LIPM: variants seen among roughly 807,000 people sequenced by gnomAD.
The protein encoded by LIPM is lipase family member M, also known as lipase member M.
Under a neutral mutation model 42.4 loss-of-function variants are expected in LIPM, and 42 were observed. The observed-to-expected ratio is 0.99, with a 90% CI of 0.77 to 1.28. The LOEUF is 1.28. Among genes scored for constraint, LIPM ranks in the 50% most tolerant of loss-of-function variants. The pLI, the probability that LIPM is intolerant of heterozygous loss-of-function variation, is 0.00. For missense variants in LIPM, 524 were observed against 520.1 expected, an observed-to-expected ratio of 1.01 and a Z score of -0.07; for synonymous variants, 177 against 173.3, an observed-to-expected ratio of 1.02 and a Z score of -0.17.
At chr10:88,819,409 C>A (rs763268837) in intron 8 of LIPM, among the ~76,000 whole-genome samples, 6 of 152,278 alleles carry the variant, frequency 3.9e-5, no homozygotes, top group African/African-American at 1.4e-4. Flanking sequence ...AATTTTTCAA[C>A]CTTCCTTATC....
intron 7 of LIPM, among the ~76,000 whole-genome samples, chr10:88,817,605 A>G (rs1843732868): frequency 6.6e-6 from 1 of 152,204 alleles, no homozygotes; most frequent in Non-Finnish European, 1.5e-5. Context: ...TTGCTAATGC[A>G]ATGATCAAGA....
intron 2 of LIPM, among the ~76,000 whole-genome samples, chr10:88,810,088 G>T (rs1843636036): frequency 6.6e-6 from 1 of 152,150 alleles, no homozygotes; most frequent in Non-Finnish European, 1.5e-5. Context: ...TCTCCCCCCA[G>T]TCAGAGTGTA....
At chr10:88,809,814 G>T (rs564527213) in intron 2 of LIPM, among the ~76,000 whole-genome samples, 1 of 151,952 alleles carries the variant, frequency 6.6e-6, no homozygotes, top group African/African-American at 2.4e-5. Flanking sequence ...GCACAGCTGC[G>T]CCTTATACAT....
intron 1 of LIPM, 43 bp downstream of exon 1, chr10:88,803,086 C>A (rs746224040): frequency 6.6e-7 from 1 of 1,525,642 alleles, no homozygotes; most frequent in East Asian, 2.5e-5. Flanking sequence ...AACATGTTAA[C>A]GTTTGTATCT....
intron 1 of LIPM, chr10:88,805,996 C>T (rs945283397): frequency 3.5e-5 from 16 of 456,474 alleles, no homozygotes; most frequent in Non-Finnish European, 6.2e-5. Context: ...GGCCTTTAGA[C>T]CGCAAACAGG....
At chr10:88,807,990 C>T (rs1843608835) in intron 1 of LIPM, among the ~76,000 whole-genome samples, 1 of 152,208 alleles carries the variant, frequency 6.6e-6, no homozygotes, top group Admixed American at 6.5e-5. Context: ...GCCCAGTCCT[C>T]TGAGTTCCTG....
At chr10:88,806,110 C>A in intron 1 of LIPM, 1 of 415,642 alleles carries the variant, frequency 2.4e-6, no homozygotes, top group Non-Finnish European at 4.8e-6. Flanking sequence ...GATCTGTTGA[C>A]AGCACTTCCA....
intron 7 of LIPM, among the ~76,000 whole-genome samples, chr10:88,817,563 C>A (rs551308810): frequency 2.0e-5 from 3 of 152,336 alleles, no homozygotes; most frequent in East Asian, 1.9e-4. Context: ...TACCCACTCA[C>A]ATTAATTACA....
At chr10:88,817,779 T>C (rs370332146) in intron 7 of LIPM, 46 bp from the exon 8 acceptor site, 2 of 1,338,042 alleles carry the variant, frequency 1.5e-6, no homozygotes, top group African/African-American at 2.9e-5. Flanking sequence ...ACCACGCTTA[T>C]CCACTGAGAC....
chr10:88,806,750 T>A (rs759156885), intron 1 of LIPM, among the ~76,000 whole-genome samples: 2 of 152,172 alleles, frequency 1.3e-5, no homozygotes, highest in Non-Finnish European at 2.9e-5. Flanking sequence ...AGTGGCGCGA[T>A]CTTGGCTCAC....
At chr10:88,813,032 T>C (rs1385837742) in intron 2 of LIPM, 65 bp from the exon 3 acceptor site, 5 of 1,334,904 alleles carry the variant, frequency 3.7e-6, no homozygotes, top group Non-Finnish European at 4.2e-6. Flanking sequence ...AAAGCTCTTA[T>C]TCATTACTGG....
At chr10:88,811,135 A>C (rs1331546099) in intron 2 of LIPM, among the ~76,000 whole-genome samples, 1 of 152,154 alleles carries the variant, frequency 6.6e-6, no homozygotes, top group East Asian at 1.9e-4. Flanking sequence ...TTTGTCCTAC[A>C]GGGAGACTGC....
Position 88,820,469 on chromosome 10 carries a change from C to A in LIPM, c.1240C>A (p.Leu414Ile). 2 of 1,551,646 alleles carry A rather than the reference C, an allele frequency of 1.3e-6. No homozygotes were observed. Among genetic ancestry groups the A allele is most frequent in the Non-Finnish European group, 1.7e-6 (2 of 1,147,002 alleles). The change falls in exon 9 of 9, where the codon CTT becomes ATT. Residue 414 changes from leucine to isoleucine, a missense_variant. Coordinates refer to ENST00000404743, the MANE Select transcript of LIPM (RefSeq NM_001128215.1). ...IHLMQQEETN[L>I]SQGRCEAVL ...TCTGATGCAGCAGGAGGAGACCAAC[C>A]TTTCCCAGGGACGGTGTGAGGCCGT...
chr10:88,812,679 C>T (rs1843668862), intron 2 of LIPM, among the ~76,000 whole-genome samples: 2 of 152,270 alleles, frequency 1.3e-5, no homozygotes, highest in Non-Finnish European at 1.5e-5. Flanking sequence ...GTCCTTTTGA[C>T]ATGAAGGTCT....
intron 2 of LIPM, among the ~76,000 whole-genome samples, chr10:88,812,437 G>A (rs1843666086): frequency 6.6e-6 from 1 of 152,048 alleles, no homozygotes; most frequent in African/African-American, 2.4e-5. Context: ...CAATCTTTCT[G>A]AATTTGTTAG....
rs184848760 is a variant in LIPM, at chr10:88,815,415, T to A, written c.770T>A (p.Ile257Asn). ...YQTRFLRQLVIYLCGQVILDQ... is the reference protein window; with the variant it reads ...YQTRFLRQLVNYLCGQVILDQ... ...ACCAGATTTCTCAGACAACTTGTTA[T>A]TTACCTTTGTGGCCAGGTGATTCTT... Residue 257 changes from isoleucine to asparagine, a missense_variant, in exon 6 of 9, where the codon ATT becomes AAT. By Grantham distance (149) the Ile-to-Asn change is moderately radical. Coordinates refer to ENST00000404743, the MANE Select transcript of LIPM (RefSeq NM_001128215.1). 37 of 1,551,630 alleles carry A rather than the reference T, an allele frequency of 2.4e-5. No individual in the cohort carries two copies. The East Asian group carries it at 8.8e-4, about 37-fold the overall frequency.
At position 88,816,596 on chromosome 10, in the gene LIPM, C is replaced by T. The variant is rs190216334; in HGVS notation, c.859-220C>T. ...TTTTTTTTAATTAGGGGCCAGATCT[C>T]TGATGAGAACCTATTCTCAGATGAA... On this transcript the variant is annotated intron_variant, in intron 6 of 8. Coordinates refer to ENST00000404743, the MANE Select transcript of LIPM (RefSeq NM_001128215.1). Among the ~76,000 whole-genome samples, 253 of 152,226 alleles carry T rather than the reference C, an allele frequency of 1.7e-3. 1 individual carries two copies. Among genetic ancestry groups the T allele is most frequent in the Non-Finnish European group, 3.0e-3 (205 of 68,014 alleles).
At chr10:88,806,338 C>T (rs1843586358) in intron 1 of LIPM, among the ~76,000 whole-genome samples, 1 of 152,176 alleles carries the variant, frequency 6.6e-6, no homozygotes, top group African/African-American at 2.4e-5. Context: ...CTTGCCTGTC[C>T]AGCCCTGCTC....
chr10:88,816,839 C>T lies in LIPM; in HGVS notation c.882C>T (p.Ala294=). The T allele has an allele frequency of 6.4e-7, 1 of 1,551,338 alleles. No homozygotes were observed. The highest frequency in any genetic ancestry group is 8.7e-7 in the Non-Finnish European group (1 of 1,146,732). The stretch of plus-strand genomic sequence containing the variant: ...AGAGCCGAGCAAGTGTATATGCTGC[C>T]CACACTCTTGCTGGAACATCTGTGC... ...MNMSRASVYA[A]HTLAGTSVQN... Residue 294 remains alanine, a synonymous_variant, in exon 7 of 9, where the codon GCC becomes GCT. Coordinates refer to ENST00000404743, the MANE Select transcript of LIPM (RefSeq NM_001128215.1).
Sources: gnomAD v4.1 joint callset for allele counts (sites outside exome capture counted in the v4.1 genomes callset) on GRCh38, gnomAD v4.1.1 for gene constraint, MANE v1.5 for transcripts, NCBI Gene and HGNC (gene_info 2026-07-23, HGNC 2026-07-21) for gene names.